NAP1L4: variants seen among roughly 807,000 people sequenced by gnomAD.
NAP1L4 encodes the protein nucleosome assembly protein 1 like 4, also known as nucleosome assembly protein 1-like 4.
In NAP1L4, 15 loss-of-function variants were observed where a neutral mutation model predicts 58.2. The observed-to-expected ratio is 0.26, with a 90% CI of 0.17 to 0.40. The LOEUF (loss-of-function observed/expected upper bound fraction) is 0.40, where lower values mean the gene tolerates loss of function less well. NAP1L4 is among the 10% of genes least tolerant of loss of function. NAP1L4 has a pLI of 1.00. For missense variants in NAP1L4, 384 were observed against 451.1 expected, an observed-to-expected ratio of 0.85 and a Z score of 1.35; for synonymous variants, 171 against 155.6, an observed-to-expected ratio of 1.10 and a Z score of -0.74.
rs1186235992 is a variant in NAP1L4 at position 2,964,663 on chromosome 11, G to A, written c.606+17C>T. On this transcript the variant is annotated intron_variant, in intron 8 of 15. Coordinates refer to ENST00000380542, the MANE Select transcript of NAP1L4 (RefSeq NM_005969.4). ...GACCCTGTCTGATGCCAACCAGAAG[G>A]TCAAGTCAGTACTCACCATAGGCTG... 3.1e-6 allele frequency: 5 copies of A among 1,607,488 alleles called. No individual in the cohort carries two copies. The highest frequency in any genetic ancestry group is 1.1e-5 in the South Asian group (1 of 90,760).
intron 1 of NAP1L4, among the ~76,000 whole-genome samples, chr11:2,981,212 T>G (rs1365130716): frequency 6.7e-6 from 1 of 148,396 alleles, no homozygotes; most frequent in Non-Finnish European, 1.5e-5. Flanking sequence ...CACTCCCGCC[T>G]GGAAGACACA....
chr11:2,972,056 C>T (rs771687154), intron 5 of NAP1L4, 46 bp downstream of exon 5: 86 of 1,479,242 alleles, frequency 5.8e-5, no homozygotes, highest in Non-Finnish European at 7.6e-5. Context: ...CTAACACCTT[C>T]GTAAGCTGAA....
Position 2,951,831 on chromosome 11 carries a change from T to C in NAP1L4, c.1036-22A>G, listed in dbSNP as rs74954764. The C allele has an allele frequency of 6.2e-7, 1 of 1,613,156 alleles. No individual in the cohort carries two copies. The highest frequency in any genetic ancestry group is 2.2e-5 in the East Asian group (1 of 44,876). ...CAAACTGGAGAAACACAGAAAAACA[T>C]TTTTAGGTTTACAAAACATGACAGC... is the stretch of plus-strand genomic sequence containing the variant. On this transcript the variant is annotated intron_variant, in intron 12 of 15. Coordinates refer to ENST00000380542, the MANE Select transcript of NAP1L4 (RefSeq NM_005969.4). This position sits in a 1 kb window ranked among gnomAD's most constrained non-coding sequence, Gnocchi z 4.0.
In NAP1L4 at chr11:2,955,940, C is replaced by A. The variant is rs1846514421; in HGVS notation, c.893-174G>T. On this transcript the variant is annotated intron_variant, in intron 10 of 15. Coordinates refer to ENST00000380542, the MANE Select transcript of NAP1L4 (RefSeq NM_005969.4). This position sits in a 1 kb window ranked among gnomAD's most constrained non-coding sequence, Gnocchi z 4.2. ...TCACAGACATCTTTGCAAGCTCCAT[C>A]CACCACTTCTGAAGCTGGCCTGAGT... The A allele has an allele frequency of 3.2e-6, 2 of 632,562 alleles. No homozygotes were observed. Among genetic ancestry groups the A allele is most frequent in the Non-Finnish European group, 2.7e-6 (1 of 364,110 alleles). The allele number at this position is 632,562 out of a possible 1,614,324, so 39.2% of individuals were successfully genotyped here. A position where few individuals can be genotyped will look rare whatever the true frequency, so the allele number is the denominator to read the frequency against.
In NAP1L4 at chr11:2,951,739, C is replaced by T. The variant is rs1243215629; in HGVS notation, c.1065+41G>A. ...CAAGCAGAGAAAGCCAAAGAAACAA[C>T]TTCAGGGAGGTAAGTGGCACTGCAT... is the stretch of plus-strand genomic sequence containing the variant. On this transcript the variant is annotated intron_variant, in intron 13 of 15. Transcript: ENST00000380542. This position sits in a 1 kb window ranked among gnomAD's most constrained non-coding sequence, Gnocchi z 4.0. The T allele has an allele frequency of 3.1e-6, 5 of 1,608,342 alleles. No homozygotes were observed. Among genetic ancestry groups the T allele is most frequent in the South Asian group, 1.1e-5 (1 of 90,922 alleles).
At chr11:2,990,643 C>T (rs184729854) in intron 1 of NAP1L4, 1 of 152,846 alleles carries the variant, frequency 6.5e-6, no homozygotes, top group Admixed American at 6.5e-5. Context: ...ATTCCCTCTA[C>T]AGAAGCAGTA....
chr11:2,957,653 A>C lies in NAP1L4; in HGVS notation c.892+746T>G, dbSNP rs561009141. 3.3e-5 allele frequency among the ~76,000 whole-genome samples: 5 copies of C among 152,320 alleles called. No individual in the cohort carries two copies. The South Asian group carries it at 1.0e-3, about 32-fold the overall frequency. On this transcript the variant is annotated intron_variant, in intron 10 of 15. Transcript: ENST00000380542. ...TCGCGATTAGGAAATTATATGAAAA[A>C]TCCCAAGAAATTTACTCTTAAAATC...
intron 7 of NAP1L4, among the ~76,000 whole-genome samples, chr11:2,969,001 T>G (rs1309593297): frequency 3.4e-5 from 3 of 87,248 alleles, no homozygotes; most frequent in Non-Finnish European, 6.4e-5. Flanking sequence ...TTTTTTTTTT[T>G]TTTTTTTTGG....
intron 1 of NAP1L4, among the ~76,000 whole-genome samples, chr11:2,983,238 C>A (rs1243636278): frequency 6.6e-6 from 1 of 152,150 alleles, no homozygotes; most frequent in South Asian, 2.1e-4. Context: ...AAAGCATAAA[C>A]CACCTGTGTT....
In NAP1L4 at chr11:2,972,148, T is replaced by G; in HGVS notation, c.269A>C (p.Asp90Ala). 6.2e-7 allele frequency: 1 copy of G among 1,605,568 alleles called. No homozygotes were observed. Among genetic ancestry groups the G allele is most frequent in the East Asian group, 2.2e-5 (1 of 44,452 alleles). Residue 90 changes from aspartate to alanine, a missense_variant, in exon 5 of 16, where the codon GAC becomes GCC. Transcript: ENST00000380542. ...TAGCGCTGCATACTTTCTTTCCAAG[T>G]CATGTACCTCTTCATAGAACTTGGC... ...IEAKFYEEVH[D>A]LERKYAALYQ... is the part of the protein sequence containing the mutation.
chr11:2,971,438 A>G lies in NAP1L4; in HGVS notation c.402+10T>C. On this transcript the variant is annotated intron_variant, in intron 6 of 15. Transcript: ENST00000380542. This position sits in a 1 kb window ranked among gnomAD's most constrained non-coding sequence, Gnocchi z 4.2. ...AACAGAACATGAGTCACATGTTTCT[A>G]AAGACTTACAGCCAATTTCTCTTCC... 1.2e-6 allele frequency: 2 copies of G among 1,611,978 alleles called. No individual in the cohort carries two copies. The highest frequency in any genetic ancestry group is 4.5e-5 in the East Asian group (2 of 44,878).
intron 1 of NAP1L4, among the ~76,000 whole-genome samples, chr11:2,979,754 A>G (rs1394354074): frequency 6.6e-6 from 1 of 151,126 alleles, no homozygotes; most frequent in African/African-American, 2.4e-5. Flanking sequence ...CCTGGGCAAC[A>G]AGAGTGAAAC....
At chr11:2,963,706 TG>T (rs1257557513) in intron 8 of NAP1L4, 2 of 514,946 alleles carry the variant, frequency 3.9e-6, no homozygotes, top group African/African-American at 3.9e-5. Context: ...TACTGGTGAC[TG>T]GCCCCAGGCC....
Position 2,966,209 on chromosome 11 carries a change from T to G in NAP1L4, c.535-1458A>C, listed in dbSNP as rs1212356134. On this transcript the variant is annotated intron_variant, in intron 7 of 15. Coordinates refer to ENST00000380542, the MANE Select transcript of NAP1L4 (RefSeq NM_005969.4). The stretch of plus-strand genomic sequence containing the variant: ...AGTTGTATGTAATAATTGTACTATT[T>G]ATGGGACACAGTGACATTTTGATGC... Among the ~76,000 whole-genome samples the G allele has an allele frequency of 2.0e-5, 3 of 152,234 alleles. No individual in the cohort carries two copies. In the East Asian group the frequency reaches 5.8e-4, roughly 29 times the overall value.
chr11:2,978,346 A>T lies in NAP1L4; in HGVS notation c.15-4T>A. On this transcript the variant is annotated splice_region_variant and splice_polypyrimidine_tract_variant and intron_variant, in intron 2 of 15. Transcript: ENST00000380542. ...TGAAGGAACCCCATCTGAAAAACTA[A>T]AACAACAGTATGTTTAAAAAGTATT... 1 of 1,613,674 alleles carries T rather than the reference A, an allele frequency of 6.2e-7. No individual in the cohort carries two copies. Among genetic ancestry groups the T allele is most frequent in the South Asian group, 1.1e-5 (1 of 91,040 alleles).
At chr11:2,973,162 A>G (rs1320530358) in intron 4 of NAP1L4, among the ~76,000 whole-genome samples, 1 of 152,210 alleles carries the variant, frequency 6.6e-6, no homozygotes, top group East Asian at 1.9e-4. Context: ...TGGAGGAAAA[A>G]ATCTGAGAAA....
intron 6 of NAP1L4, among the ~76,000 whole-genome samples, 194 bp from the exon 7 acceptor site, chr11:2,970,128 T>C (rs2133967559): frequency 6.6e-6 from 1 of 152,234 alleles, no homozygotes; most frequent in South Asian, 2.1e-4. Context: ...ATTCAAGTCA[T>C]TACATCCACA....
intron 4 of NAP1L4, among the ~76,000 whole-genome samples, chr11:2,974,272 C>T (rs1043475751): frequency 6.6e-6 from 1 of 152,082 alleles, no homozygotes; most frequent in Non-Finnish European, 1.5e-5. Context: ...CAAACTGGAC[C>T]CTAGTGTGCC....
chr11:2,947,125 G>A (rs1243426294), intron 15 of NAP1L4, among the ~76,000 whole-genome samples: 2 of 152,126 alleles, frequency 1.3e-5, no homozygotes, highest in African/African-American at 4.8e-5. Context: ...ACCACAGATT[G>A]AGCATCCCAA....
Sources: gnomAD v4.1 joint callset for allele counts (sites outside exome capture counted in the v4.1 genomes callset) on GRCh38, gnomAD v4.1.1 for gene constraint, Gnocchi (gnomAD v3.1) non-coding constraint, MANE v1.5 for transcripts, NCBI Gene and HGNC (gene_info 2026-07-23, HGNC 2026-07-21) for gene names.